PDE3B: variants seen among roughly 807,000 people sequenced by gnomAD.
PDE3B encodes cGMP-inhibited 3',5'-cyclic phosphodiesterase 3B.
Under a neutral mutation model 116.8 loss-of-function variants are expected in PDE3B, and 66 were observed. The ratio of observed to expected loss-of-function variants is 0.56; its 90% CI spans 0.46 to 0.69. The LOEUF (loss-of-function observed/expected upper bound fraction) is 0.69, where lower values mean the gene tolerates loss of function less well. Ranked by LOEUF, PDE3B falls within the 30% of genes least tolerant of loss-of-function variation. The pLI, the probability that PDE3B is intolerant of heterozygous loss-of-function variation, is 0.00. For missense variants in PDE3B, 1,384 were observed against 1,368.1 expected, an observed-to-expected ratio of 1.01 and a Z score of -0.18; for synonymous variants, 595 against 533.6, an observed-to-expected ratio of 1.12 and a Z score of -1.59.
At chr11:14,670,547 G>A (rs1367986064) in intron 1 of PDE3B, among the ~76,000 whole-genome samples, 1 of 152,050 alleles carries the variant, frequency 6.6e-6, no homozygotes, top group African/African-American at 2.4e-5. Context: ...TCTTTTAATA[G>A]TTATAGAGTT....
chr11:14,743,364 G>A (rs763722006), intron 1 of PDE3B, among the ~76,000 whole-genome samples: 5 of 152,142 alleles, frequency 3.3e-5, no homozygotes, highest in Non-Finnish European at 7.3e-5. Flanking sequence ...ATGCTGTGAG[G>A]GGAAAACCGC....
At chr11:14,781,788 C>T (rs536882220) in intron 2 of PDE3B, among the ~76,000 whole-genome samples, 1 of 152,282 alleles carries the variant, frequency 6.6e-6, no homozygotes, top group East Asian at 1.9e-4. Flanking sequence ...TCCTGTTCAA[C>T]ATAGTGTTGG....
intron 1 of PDE3B, among the ~76,000 whole-genome samples, chr11:14,646,155 G>C (rs986833403): frequency 6.6e-6 from 1 of 152,150 alleles, no homozygotes; most frequent in African/African-American, 2.4e-5. Context: ...TGAATTTTTG[G>C]ATTAGTGATA....
intron 1 of PDE3B, among the ~76,000 whole-genome samples, chr11:14,725,309 C>CTTTCTT (rs1393019002): frequency 1.9e-4 from 28 of 147,400 alleles, no homozygotes; most frequent in African/African-American, 5.1e-4. Context: ...TTCTTTCTTT[C>CTTTCTT]TCTTTCTTTC....
At chr11:14,792,144 C>T (rs1400490787) in intron 4 of PDE3B, among the ~76,000 whole-genome samples, 5 of 152,018 alleles carry the variant, frequency 3.3e-5, no homozygotes, top group Admixed American at 6.6e-5. Context: ...ATGTGAAACC[C>T]AATTATTACC....
chr11:14,797,212 A>G (rs115742717), intron 4 of PDE3B, among the ~76,000 whole-genome samples: 1,909 of 152,178 alleles, frequency 0.013, 36 homozygotes, highest in African/African-American at 0.043. Context: ...GTTCTATCCT[A>G]TTGGTCTATA....
chr11:14,865,654 T>C (rs1848030918), intron 14 of PDE3B, among the ~76,000 whole-genome samples: 1 of 152,172 alleles, frequency 6.6e-6, no homozygotes, highest in South Asian at 2.1e-4. Flanking sequence ...TAAATTATAT[T>C]TAATTTCGGG....
At chr11:14,892,070 G>T in the PDE3B span, 1 of 1,611,752 alleles carries the variant, frequency 6.2e-7, no homozygotes, top group African/African-American at 1.3e-5. Context: ...ATAAATGGCA[G>T]CCCCGGCGGC....
chr11:14,707,132 A>C (rs1855557795), intron 1 of PDE3B, among the ~76,000 whole-genome samples: 1 of 151,970 alleles, frequency 6.6e-6, no homozygotes, highest in Admixed American at 6.6e-5. Flanking sequence ...AGAAAATGGG[A>C]TGATGGGGTA....
At chr11:14,702,666 T>C (rs1855400462) in intron 1 of PDE3B, among the ~76,000 whole-genome samples, 1 of 151,744 alleles carries the variant, frequency 6.6e-6, no homozygotes, top group Non-Finnish European at 1.5e-5. Context: ...ATGAATGAAA[T>C]TAAGTAAAAT....
At chr11:14,879,975 A>C in the PDE3B span, among the ~76,000 whole-genome samples, 4 of 152,102 alleles carry the variant, frequency 2.6e-5, no homozygotes, top group African/African-American at 9.7e-5. Context: ...AATTGAGATA[A>C]TAGATTTGAA....
At chr11:14,653,574 C>A (rs1373666661) in intron 1 of PDE3B, among the ~76,000 whole-genome samples, 2 of 151,046 alleles carry the variant, frequency 1.3e-5, no homozygotes, top group East Asian at 1.9e-4. Flanking sequence ...CAAAAAAAAA[C>A]CAAAAAAACC....
intron 2 of PDE3B, 30 bp downstream of exon 2, chr11:14,772,017 TCTAAATAATATCTGTGATCA>T (rs989701942): frequency 6.7e-6 from 6 of 896,498 alleles, no homozygotes; most frequent in Non-Finnish European, 8.7e-6. Context: ...GTGATGAATA[TCTAAATAATATCTGTGATCA>T]CTAAATAATA....
In PDE3B at chr11:14,644,111, G is replaced by A. The variant is rs748584633; in HGVS notation, c.36G>A (p.Arg12=). Reference sequence around the variant, plus strand: ...ACGAGCGAGACGCCAAAGCCATGCGGTCCCTGCAGCCGCCGGATGGGGCCG... The same window carrying A: ...ACGAGCGAGACGCCAAAGCCATGCGATCCCTGCAGCCGCCGGATGGGGCCG... ...RRDERDAKAM[R]SLQPPDGAGS... Residue 12 remains arginine (R), a synonymous_variant, in exon 1 of 16, where the codon CGG becomes CGA. Transcript: ENST00000282096. 30 of 1,575,760 alleles carry A rather than the reference G, an allele frequency of 1.9e-5. No individual in the cohort carries two copies. The highest frequency in any genetic ancestry group is 2.3e-5 in the East Asian group (1 of 42,980).
rs190525660 is a variant in PDE3B at position 14,697,054 on chromosome 11, C to T, written c.978+52001C>T. ...TGGGCTCAAGTGAGCCTCCTGCCTC[C>T]GCCTCCCTTGTAATTGGGACCACTG... On this transcript the variant is annotated intron_variant, in intron 1 of 15. Transcript: ENST00000282096. 5.9e-3 allele frequency among the ~76,000 whole-genome samples: 900 copies of T among 151,920 alleles called. 8 individuals carry two copies. Among genetic ancestry groups the T allele is most frequent in the Non-Finnish European group, 5.7e-3 (389 of 67,902 alleles).
chr11:14,712,738 G>C (rs955628307), intron 1 of PDE3B, among the ~76,000 whole-genome samples: 2 of 152,190 alleles, frequency 1.3e-5, no homozygotes, highest in African/African-American at 2.4e-5. Context: ...GCCTCCCAAA[G>C]TGTTGGGATT....
At chr11:14,777,625 C>T (rs1213628631) in intron 2 of PDE3B, among the ~76,000 whole-genome samples, 1 of 152,150 alleles carries the variant, frequency 6.6e-6, no homozygotes, top group Non-Finnish European at 1.5e-5. Flanking sequence ...AAGAAAATGG[C>T]TGTAAAGTCT....
chr11:14,882,871 C>G, the PDE3B span, among the ~76,000 whole-genome samples: 1 of 152,288 alleles, frequency 6.6e-6, no homozygotes, highest in African/African-American at 2.4e-5. Context: ...AAATCACAAG[C>G]ATTCTTATAC....
chr11:14,802,147 G>T (rs889466945), intron 4 of PDE3B, among the ~76,000 whole-genome samples: 1 of 152,190 alleles, frequency 6.6e-6, no homozygotes, highest in African/African-American at 2.4e-5. Flanking sequence ...ATAGGGTTCT[G>T]TCTTGCTGGC....
Sources: gnomAD v4.1 joint callset for allele counts (sites outside exome capture counted in the v4.1 genomes callset) on GRCh38, gnomAD v4.1.1 for gene constraint, MANE v1.5 for transcripts, NCBI Gene and HGNC (gene_info 2026-07-23, HGNC 2026-07-21) for gene names.